PCDHA4: variants seen among roughly 807,000 people sequenced by gnomAD.
PCDHA4 encodes protocadherin alpha 4.
Under a neutral mutation model 61.4 loss-of-function variants are expected in PCDHA4, and 49 were observed. The ratio of observed to expected loss-of-function variants is 0.80; its 90% CI spans 0.63 to 1.01. The LOEUF (loss-of-function observed/expected upper bound fraction) is 1.01. Among genes scored for constraint, PCDHA4 ranks in the 50% least tolerant of loss-of-function variants. PCDHA4 has a pLI of 0.00. For missense variants in PCDHA4, 1,254 were observed against 1,235.8 expected (o/e 1.01, Z -0.22); for synonymous variants, 590 against 550.3 (o/e 1.07, Z -1.01).
At chr5:140,858,403 A>T (rs1554151554) in intron 1 of PCDHA4, 1 of 1,569,204 alleles carries the variant, frequency 6.4e-7, no homozygotes. Context: ...TGGACGGGGA[A>T]GATCAGTCTA....
In PCDHA4 at chr5:140,842,887, G is replaced by T; in HGVS notation, c.2385+33315G>T. On this transcript the variant is annotated intron_variant, in intron 1 of 3. Coordinates refer to ENST00000530339, the MANE Select transcript of PCDHA4 (RefSeq NM_018907.4). ...GCGGCAAGGTGTACGCGCTGCAGCC[G>T]CTGGACCACGAGGAGCTAGAGCTGC... The T allele has an allele frequency of 7.5e-6, 12 of 1,594,194 alleles. 3 individuals are homozygous for T. The highest frequency in any genetic ancestry group is 1.1e-5 in the South Asian group (1 of 90,454).
intron 3 of PCDHA4, among the ~76,000 whole-genome samples, chr5:141,003,468 C>T (rs2098126270): frequency 6.6e-6 from 1 of 152,066 alleles, no homozygotes; most frequent in Non-Finnish European, 1.5e-5. Context: ...TGCACCACCA[C>T]AGTCTCGCTA....
At chr5:141,000,415 A>AT (rs1563651650) in intron 3 of PCDHA4, among the ~76,000 whole-genome samples, 6 of 87,394 alleles carry the variant, frequency 6.9e-5, no homozygotes, top group African/African-American at 1.5e-4. Flanking sequence ...ATATATATAT[A>AT]TATATATTTT....
chr5:140,988,206 G>GA (rs200168674), intron 3 of PCDHA4, among the ~76,000 whole-genome samples: 41 of 150,634 alleles, frequency 2.7e-4, no homozygotes, highest in Admixed American at 4.6e-4. Flanking sequence ...TCCTTATTAG[G>GA]AAAAAAAAAT....
At chr5:140,976,248 T>G (rs1476905185) in intron 1 of PCDHA4, among the ~76,000 whole-genome samples, 5 of 152,032 alleles carry the variant, frequency 3.3e-5, no homozygotes, top group African/African-American at 9.7e-5. Context: ...TCATGTAAAT[T>G]TATTTAAAAC....
At position 140,856,900 on chromosome 5, in the gene PCDHA4, C is replaced by T. The variant is rs782598308; in HGVS notation, c.2385+47328C>T. On this transcript the variant is annotated intron_variant, in intron 1 of 3. Coordinates refer to ENST00000530339, the MANE Select transcript of PCDHA4 (RefSeq NM_018907.4). ...TGATGTATTCATTTAGCTCTTTGGT[C>T]CCACCCACGATAAGAAGGAAATTTT... The T allele has an allele frequency of 1.0e-5, 16 of 1,596,132 alleles. No homozygotes were observed. In the East Asian group the frequency reaches 2.7e-4, roughly 27 times the overall value.
At chr5:140,870,339 G>C in intron 1 of PCDHA4, 1 of 1,614,182 alleles carries the variant, frequency 6.2e-7, no homozygotes, top group Non-Finnish European at 8.5e-7. Flanking sequence ...ACAGCGCCCT[G>C]GACCGCGAGA....
intron 1 of PCDHA4, chr5:140,836,708 C>G: frequency 6.2e-7 from 1 of 1,613,192 alleles, no homozygotes; most frequent in Non-Finnish European, 8.5e-7. Flanking sequence ...TCAGTCCCAG[C>G]CTTCCTCAGG....
rs2150098018 is a variant in PCDHA4, at chr5:140,817,392, G to A, written c.2385+7820G>A. 3 of 152,162 alleles carry A rather than the reference G, an allele frequency of 2.0e-5. No homozygotes were observed. In the East Asian group the frequency reaches 5.8e-4, roughly 29 times the overall value. 9.4% of individuals were successfully genotyped at this position (152,162 alleles called of 1,614,324 possible). On this transcript the variant is annotated intron_variant, in intron 1 of 3. Coordinates refer to ENST00000530339, the MANE Select transcript of PCDHA4 (RefSeq NM_018907.4). The stretch of plus-strand genomic sequence containing the variant: ...TCGGCACTTATCACCATGGGAATTG[G>A]TCCTTGTATTGTTGTTGAGTTGGTA...
intron 1 of PCDHA4, chr5:140,828,768 T>C (rs2150158736): frequency 6.2e-7 from 1 of 1,614,220 alleles, no homozygotes; most frequent in Non-Finnish European, 8.5e-7. Flanking sequence ...ACAGGCACTG[T>C]TCAGCTGCTG....
chr5:140,936,771 C>G (rs182480245), intron 1 of PCDHA4, among the ~76,000 whole-genome samples: 2 of 152,230 alleles, frequency 1.3e-5, no homozygotes, highest in South Asian at 4.1e-4. Flanking sequence ...TGTGTAAGTT[C>G]TCTCACTTTG....
Position 140,869,569 on chromosome 5 carries a change from G to A in PCDHA4, c.2385+59997G>A, listed in dbSNP as rs200465902. ...ATCGGACTCGCGTTTTCCACTAGAG[G>A]GAGCTTCTGATGCTGACATTGAAGA... On this transcript the variant is annotated intron_variant, in intron 1 of 3. Coordinates refer to ENST00000530339, the MANE Select transcript of PCDHA4 (RefSeq NM_018907.4). 4.4e-4 allele frequency: 718 copies of A among 1,614,118 alleles called. 4 individuals carry two copies. The African/African-American group carries it at 8.4e-3, about 19-fold the overall frequency.
chr5:141,000,393 CTCTATATATATA>C (rs1208951211), intron 3 of PCDHA4, among the ~76,000 whole-genome samples: 9 of 52,848 alleles, frequency 1.7e-4, no homozygotes, highest in African/African-American at 6.4e-4. Context: ...CTCTCTCTCT[CTCTATATATATA>C]TATATATATA....
At chr5:140,967,066 C>A (rs782715200) in intron 1 of PCDHA4, 2 of 1,612,908 alleles carry the variant, frequency 1.2e-6, no homozygotes, top group Non-Finnish European at 1.7e-6. Context: ...GAGCGCTCTT[C>A]GTCAACGAGC....
chr5:141,010,296 G>C lies in PCDHA4; in HGVS notation c.*359G>C. On this transcript the variant is annotated 3_prime_UTR_variant, in exon 4 of 4. Transcript: ENST00000530339. ...CTGTCTTGATGACACTTGCAGGGCA[G>C]GCTGAAAAGTTTTGAGATTGAGCAG... The C allele has an allele frequency of 1.3e-6, 2 of 1,549,428 alleles. No individual in the cohort carries two copies. The highest frequency in any genetic ancestry group is 1.7e-6 in the Non-Finnish European group (2 of 1,146,352).
At chr5:140,946,456 G>A (rs1554217589) in intron 1 of PCDHA4, among the ~76,000 whole-genome samples, 1 of 151,574 alleles carries the variant, frequency 6.6e-6, no homozygotes, top group African/African-American at 2.4e-5. Flanking sequence ...CAACTATCCA[G>A]CAATCCCACT....
intron 1 of PCDHA4, chr5:140,927,761 G>C (rs1554205028): frequency 6.2e-7 from 1 of 1,614,102 alleles, no homozygotes. Flanking sequence ...CACCCTAAAA[G>C]TGGGGAGGTG....
chr5:140,993,397 T>C (rs2097553822), intron 3 of PCDHA4, among the ~76,000 whole-genome samples: 2 of 151,682 alleles, frequency 1.3e-5, no homozygotes, highest in Admixed American at 1.3e-4. Context: ...ACTCCATCAT[T>C]AACCACCTTC....
chr5:140,834,218 G>A (rs2150214230), intron 1 of PCDHA4: 2 of 668,586 alleles, frequency 3.0e-6, no homozygotes, highest in Non-Finnish European at 5.0e-6. Flanking sequence ...TTCGTAATCA[G>A]CAAAAGGAAG....
Sources: allele counts gnomAD v4.1 joint callset (sites outside exome capture counted in the v4.1 genomes callset), GRCh38; gene constraint gnomAD v4.1.1; transcripts MANE v1.5; gene names NCBI Gene and HGNC (gene_info 2026-07-23, HGNC 2026-07-21).